Variants in PPP3CA observed in about 807,000 individuals in gnomAD.
PPP3CA encodes protein phosphatase 3 catalytic subunit alpha.
PPP3CA carries 14 observed loss-of-function variants against 66.5 expected under a neutral mutation model. The observed-to-expected ratio is 0.21, with a 90% CI of 0.14 to 0.33. The LOEUF (loss-of-function observed/expected upper bound fraction) is 0.33. Among genes scored for constraint, PPP3CA ranks in the 10% least tolerant of loss-of-function variants. The probability of loss-of-function intolerance (pLI) is 1.00; values close to 1 mark genes in which losing one functional copy is unlikely to be tolerated. For missense variants in PPP3CA, 317 were observed against 639.5 expected, an observed-to-expected ratio of 0.50 and a Z score of 5.44; for synonymous variants, 232 against 226.2, an observed-to-expected ratio of 1.03 and a Z score of -0.23.
chr4:101,087,601 C>T (rs964749567), intron 6 of PPP3CA, among the ~76,000 whole-genome samples: 11 of 152,128 alleles, frequency 7.2e-5, no homozygotes, highest in African/African-American at 2.2e-4. Flanking sequence ...TTCTTTCACT[C>T]GTCATTATGC....
intron 10 of PPP3CA, among the ~76,000 whole-genome samples, chr4:101,048,502 C>T (rs1578402340): frequency 9.6e-6 from 1 of 104,202 alleles, no homozygotes; most frequent in African/African-American, 3.8e-5. Flanking sequence ...TGTTTGCTTT[C>T]TCTCACCAAA....
intron 8 of PPP3CA, among the ~76,000 whole-genome samples, chr4:101,068,055 CAA>C (rs997620836): frequency 6.6e-6 from 1 of 152,042 alleles, no homozygotes; most frequent in Non-Finnish European, 1.5e-5. Context: ...GAGAAGAGGT[CAA>C]AAGAATGAAA....
chr4:101,198,960 G>A (rs916381967), intron 1 of PPP3CA, among the ~76,000 whole-genome samples: 2 of 152,176 alleles, frequency 1.3e-5, no homozygotes, highest in South Asian at 2.1e-4. Flanking sequence ...GGATCCTGAT[G>A]AGACGGGGCC....
intron 1 of PPP3CA, among the ~76,000 whole-genome samples, chr4:101,215,946 T>C (rs1725439916): frequency 6.6e-6 from 1 of 151,954 alleles, no homozygotes; most frequent in Admixed American, 6.6e-5. Context: ...CACTAAGGAG[T>C]GAAGAGAAGA....
chr4:101,208,464 C>T (rs200900876), intron 1 of PPP3CA, among the ~76,000 whole-genome samples: 1 of 152,242 alleles, frequency 6.6e-6, no homozygotes, highest in East Asian at 1.9e-4. Flanking sequence ...ATTCTTAGCA[C>T]ACTAAATACA....
At chr4:101,302,239 A>T (rs1455469581) in intron 1 of PPP3CA, among the ~76,000 whole-genome samples, 1 of 152,336 alleles carries the variant, frequency 6.6e-6, no homozygotes, top group East Asian at 1.9e-4. Context: ...CAGCTCCCTC[A>T]TTAGCCAGCT....
chr4:101,325,762 A>G (rs745331059), intron 1 of PPP3CA, among the ~76,000 whole-genome samples: 2 of 152,200 alleles, frequency 1.3e-5, no homozygotes, highest in Non-Finnish European at 2.9e-5. Flanking sequence ...ATGCTCTTTT[A>G]TACCTTAGGC....
intron 6 of PPP3CA, among the ~76,000 whole-genome samples, chr4:101,093,406 GTT>G (rs148814688): frequency 2.1e-5 from 3 of 142,592 alleles, no homozygotes; most frequent in Non-Finnish European, 3.1e-5. Flanking sequence ...ATGTACATTT[GTT>G]TTTTTTTTTT....
At chr4:101,049,727 T>G (rs1164060631) in intron 10 of PPP3CA, among the ~76,000 whole-genome samples, 1 of 152,078 alleles carries the variant, frequency 6.6e-6, no homozygotes, top group Non-Finnish European at 1.5e-5. Context: ...ACATGTTATC[T>G]CTGCATGATA....
At chr4:101,026,560 T>C (rs1726660761) in intron 13 of PPP3CA, among the ~76,000 whole-genome samples, 4 of 152,066 alleles carry the variant, frequency 2.6e-5, no homozygotes, top group African/African-American at 9.7e-5. Context: ...AAGCAGGAGC[T>C]AAAAGGAGCT....
At position 101,222,350 on chromosome 4, in the gene PPP3CA, G is replaced by T. The variant is rs542802218; in HGVS notation, c.59-26234C>A. On this transcript the variant is annotated intron_variant, in intron 1 of 13. Coordinates refer to ENST00000394854, the MANE Select transcript of PPP3CA (RefSeq NM_000944.5). ...CCCACAGAATCAGATATCTCAGTTT[G>T]TAAAACTTTCCACCCTCAACTCCAC... Among the ~76,000 whole-genome samples the T allele has an allele frequency of 4.0e-5, 6 of 151,640 alleles. No individual in the cohort carries two copies. The South Asian group carries it at 1.2e-3, about 31-fold the overall frequency.
intron 1 of PPP3CA, among the ~76,000 whole-genome samples, chr4:101,289,870 A>ATGTGTG (rs72004461): frequency 0.022 from 3,184 of 141,786 alleles, 90 homozygotes; most frequent in African/African-American, 0.062. Context: ...ATGTCCGTGT[A>ATGTGTG]TGTGTGTGTG....
At position 101,195,571 on chromosome 4, in the gene PPP3CA, G is replaced by T. The variant is rs571938402; in HGVS notation, c.259+345C>A. On this transcript the variant is annotated intron_variant, in intron 2 of 13. Transcript: ENST00000394854. Reference sequence around the variant, plus strand: ...CTTATACCCTTACTCAACCATTGTGGAAGTCTCGGGATACTTTGTCTAATC... The same window carrying T: ...CTTATACCCTTACTCAACCATTGTGTAAGTCTCGGGATACTTTGTCTAATC... 1.1e-4 allele frequency among the ~76,000 whole-genome samples: 16 copies of T among 152,224 alleles called. No individual in the cohort carries two copies. In the East Asian group the frequency reaches 2.1e-3, roughly 20 times the overall value.
intron 1 of PPP3CA, among the ~76,000 whole-genome samples, chr4:101,308,915 G>C (rs1728630879): frequency 6.6e-6 from 1 of 152,258 alleles, no homozygotes; most frequent in South Asian, 2.1e-4. Context: ...AAGACCTCCT[G>C]GTCGGGCATT....
At chr4:101,272,054 C>A (rs1020966630) in intron 1 of PPP3CA, among the ~76,000 whole-genome samples, 4 of 152,050 alleles carry the variant, frequency 2.6e-5, no homozygotes. Context: ...GCCTAATTTG[C>A]TTCAAAGGGC....
At chr4:101,080,503 G>T in intron 8 of PPP3CA, 29 bp downstream of exon 8, 2 of 1,192,972 alleles carry the variant, frequency 1.7e-6, no homozygotes, top group East Asian at 2.5e-5. Context: ...TATTATGTAA[G>T]ACTGCAAGAG....
chr4:101,172,861 G>A lies in PPP3CA; in HGVS notation c.259+23055C>T, dbSNP rs558638895. On this transcript the variant is annotated intron_variant, in intron 2 of 13. Transcript: ENST00000394854. The stretch of plus-strand genomic sequence containing the variant: ...CTTAAATATATTTTTTAATGATCCT[G>A]TAAAAAAAGGCTTCAAAACTTGCAA... Among the ~76,000 whole-genome samples, 12 of 152,116 alleles carry A rather than the reference G, an allele frequency of 7.9e-5. No individual in the cohort carries two copies. The East Asian group carries it at 1.9e-3, about 24-fold the overall frequency.
At chr4:101,200,674 G>A (rs992117981) in intron 1 of PPP3CA, among the ~76,000 whole-genome samples, 2 of 152,138 alleles carry the variant, frequency 1.3e-5, no homozygotes, top group African/African-American at 4.8e-5. Context: ...GATTAAAGCA[G>A]TGTGCCTCCT....
At chr4:101,044,892 G>A (rs979143628) in intron 10 of PPP3CA, among the ~76,000 whole-genome samples, 2 of 152,168 alleles carry the variant, frequency 1.3e-5, no homozygotes, top group African/African-American at 4.8e-5. Context: ...CTGTTGCAAC[G>A]CCACAGGGTA....
Sources: allele counts gnomAD v4.1 joint callset (sites outside exome capture counted in the v4.1 genomes callset), GRCh38; gene constraint gnomAD v4.1.1; transcripts MANE v1.5; gene names NCBI Gene and HGNC (gene_info 2026-07-23, HGNC 2026-07-21).